The following ARHGEF10L variants were observed in gnomAD, a reference collection of about 807,000 sequenced individuals.
ARHGEF10L encodes rho guanine nucleotide exchange factor 10-like protein.
Under a neutral mutation model 141.2 loss-of-function variants are expected in ARHGEF10L, and 69 were observed. That is an observed-to-expected ratio of 0.49 (90% CI 0.40 to 0.60). The LOEUF is 0.60. Among genes scored for constraint, ARHGEF10L ranks in the 20% least tolerant of loss-of-function variants. The probability of loss-of-function intolerance (pLI) is 0.00; values close to 1 mark genes in which losing one functional copy is unlikely to be tolerated. For missense variants in ARHGEF10L, 1,482 were observed against 1,734.3 expected, an observed-to-expected ratio of 0.85 and a Z score of 2.58; for synonymous variants, 711 against 718.5, an observed-to-expected ratio of 0.99 and a Z score of 0.17.
intron 27 of ARHGEF10L, chr1:17,694,758 C>T: frequency 5.4e-6 from 2 of 370,400 alleles, no homozygotes; most frequent in South Asian, 2.0e-5. Flanking sequence ...CTTGCACCTC[C>T]CCAGTCTTCC....
At chr1:17,591,823 C>T (rs1202005461) in intron 4 of ARHGEF10L, among the ~76,000 whole-genome samples, 1 of 152,244 alleles carries the variant, frequency 6.6e-6, no homozygotes, top group East Asian at 1.9e-4. Flanking sequence ...GCTGGGATTA[C>T]AGGCATGAAC....
At chr1:17,544,904 A>G (rs2800683) in intron 1 of ARHGEF10L, among the ~76,000 whole-genome samples, 11,875 of 152,248 alleles carry the variant, frequency 0.078, 522 homozygotes, top group African/African-American at 0.1. Context: ...AGCCTGTGTA[A>G]GGGAACTGTC....
intron 15 of ARHGEF10L, among the ~76,000 whole-genome samples, chr1:17,629,033 T>A (rs1039700326): frequency 1.3e-5 from 2 of 152,000 alleles, no homozygotes; most frequent in Admixed American, 6.6e-5. Context: ...AATTTAATTT[T>A]ATTTTGAGAC....
chr1:17,595,706 C>G (rs573963253), intron 4 of ARHGEF10L, among the ~76,000 whole-genome samples: 67 of 152,216 alleles, frequency 4.4e-4, no homozygotes, highest in African/African-American at 1.6e-3. Context: ...GTGAGGCCCC[C>G]GTGCCTGGAG....
At position 17,697,678 on chromosome 1, in the gene ARHGEF10L, T is replaced by G; in HGVS notation, c.*298T>G. The G allele has an allele frequency of 3.7e-5, 20 of 536,096 alleles. No individual in the cohort carries two copies. Among genetic ancestry groups the G allele is most frequent in the Non-Finnish European group, 6.4e-5 (18 of 279,444 alleles). 33.2% of individuals were successfully genotyped at this position (536,096 alleles called of 1,614,324 possible). On this transcript the variant is annotated 3_prime_UTR_variant, in exon 29 of 29. Transcript: ENST00000361221. This position sits in a 1 kb window ranked among gnomAD's most constrained non-coding sequence, Gnocchi z 4.8. ...AGCCCAGTATCACTTGTTTGGGCCC[T>G]AGCGGGACTCCAAGGCAGCCACACG...
At chr1:17,545,452 C>T (rs1400828690) in intron 1 of ARHGEF10L, among the ~76,000 whole-genome samples, 1 of 152,116 alleles carries the variant, frequency 6.6e-6, no homozygotes, top group Non-Finnish European at 1.5e-5. Context: ...GCTCTCCATT[C>T]CAGCAAGTGA....
Position 17,697,307 on chromosome 1 carries a change from G to C in ARHGEF10L, c.3767G>C (p.Ser1256Thr), listed in dbSNP as rs1290975437. The C allele has an allele frequency of 6.2e-7, 1 of 1,612,382 alleles. No homozygotes were observed. The highest frequency in any genetic ancestry group is 8.5e-7 in the Non-Finnish European group (1 of 1,179,552). ...CGCAACTTTGGCAGCGCTCTGGGCA[G>C]CAGTGGGAGGCAGGCCCCGTGTGGG... ...GYRNFGSALG[S>T]SGRQAPCGET... The change falls in exon 29 of 29, where the codon AGC becomes ACC. Residue 1256 changes from serine (S) to threonine (T), a missense_variant. Ser to Thr is a moderately conservative substitution (Grantham distance 58). Coordinates refer to ENST00000361221, the MANE Select transcript of ARHGEF10L (RefSeq NM_018125.4). The surrounding 1 kb of genome is among the most constrained non-coding windows in gnomAD (Gnocchi z 4.8).
At chr1:17,555,130 C>T (rs778874938) in intron 1 of ARHGEF10L, among the ~76,000 whole-genome samples, 4 of 152,164 alleles carry the variant, frequency 2.6e-5, no homozygotes, top group African/African-American at 9.7e-5. Context: ...CCTTTAGCTG[C>T]GTCATGGTTT....
Position 17,625,934 on chromosome 1 carries a change from G to A in ARHGEF10L, c.1318-22G>A. 1 of 1,611,926 alleles carries A rather than the reference G, an allele frequency of 6.2e-7. No homozygotes were observed. The highest frequency in any genetic ancestry group is 1.3e-5 in the African/African-American group (1 of 74,976). ...CCCTCTCTGCAGGGGGTCAGCGAAT[G>A]ACGGAACCTTGTCTCCACCAGCGAC... is the stretch of plus-strand genomic sequence containing the variant. On this transcript the variant is annotated intron_variant, in intron 13 of 28. Transcript: ENST00000361221. The surrounding 1 kb of genome is among the most constrained non-coding windows in gnomAD (Gnocchi z 4.5).
intron 10 of ARHGEF10L, among the ~76,000 whole-genome samples, chr1:17,620,450 A>G (rs926074350): frequency 6.6e-6 from 1 of 152,122 alleles, no homozygotes; most frequent in Non-Finnish European, 1.5e-5. Context: ...CAGCCCCACT[A>G]TGGGGAGTTA....
chr1:17,661,581 A>G (rs1323340093), intron 25 of ARHGEF10L, among the ~76,000 whole-genome samples: 1 of 152,130 alleles, frequency 6.6e-6, no homozygotes, highest in Non-Finnish European at 1.5e-5. Context: ...AGTGGATGCA[A>G]GGGCTCCGGT....
intron 6 of ARHGEF10L, among the ~76,000 whole-genome samples, chr1:17,606,600 CTT>C (rs35330278): frequency 0.024 from 3,455 of 143,992 alleles, 140 homozygotes; most frequent in African/African-American, 0.083. Context: ...AGTCAGATTC[CTT>C]TTTTTTTTTT....
At chr1:17,602,346 T>C in intron 5 of ARHGEF10L, 128 bp downstream of exon 5, 1 of 1,133,860 alleles carries the variant, frequency 8.8e-7, no homozygotes, top group East Asian at 2.6e-5. Flanking sequence ...GGGGCTTCTG[T>C]GGCCCTGGAG....
chr1:17,672,391 G>T (rs1396990414), intron 26 of ARHGEF10L, among the ~76,000 whole-genome samples: 1 of 152,078 alleles, frequency 6.6e-6, no homozygotes, highest in Admixed American at 6.5e-5. Flanking sequence ...AAATTCAGGC[G>T]CAGGGCTTCT....
chr1:17,611,921 G>A (rs968851304), intron 7 of ARHGEF10L, among the ~76,000 whole-genome samples: 15 of 151,700 alleles, frequency 9.9e-5, no homozygotes, highest in African/African-American at 1.2e-4. Context: ...CATATGGTTC[G>A]TGCATTTGAA....
At chr1:17,556,868 T>C (rs1470357427) in intron 1 of ARHGEF10L, among the ~76,000 whole-genome samples, 2 of 152,090 alleles carry the variant, frequency 1.3e-5, no homozygotes, top group Non-Finnish European at 2.9e-5. Context: ...CTTTGAGCCT[T>C]AGGAAAGGCT....
At chr1:17,561,610 G>T (rs552518377) in intron 1 of ARHGEF10L, among the ~76,000 whole-genome samples, 1 of 152,200 alleles carries the variant, frequency 6.6e-6, no homozygotes, top group African/African-American at 2.4e-5. Context: ...AGGCCCACCC[G>T]ATCCCGATGC....
At chr1:17,554,527 G>A (rs1027931448) in intron 1 of ARHGEF10L, among the ~76,000 whole-genome samples, 7 of 151,828 alleles carry the variant, frequency 4.6e-5, no homozygotes, top group Admixed American at 4.6e-4. Flanking sequence ...AGCAATAGAA[G>A]GGGATTTTGG....
chr1:17,668,515 G>A (rs1394218485), intron 26 of ARHGEF10L, among the ~76,000 whole-genome samples: 1 of 152,254 alleles, frequency 6.6e-6, no homozygotes, highest in Non-Finnish European at 1.5e-5. Context: ...TACAGCACGA[G>A]GCTGTGATGA....
Sources: allele counts gnomAD v4.1 joint callset (sites outside exome capture counted in the v4.1 genomes callset), GRCh38; gene constraint gnomAD v4.1.1; non-coding constraint Gnocchi (gnomAD v3.1); transcripts MANE v1.5; gene names NCBI Gene and HGNC (gene_info 2026-07-23, HGNC 2026-07-21).